Variants in P2RX7 observed in about 807,000 individuals in gnomAD.
P2RX7 encodes P2X purinoceptor 7.
Under a neutral mutation model 71.6 loss-of-function variants are expected in P2RX7, and 62 were observed. The observed-to-expected ratio is 0.87, with a 90% CI of 0.71 to 1.07. The LOEUF (loss-of-function observed/expected upper bound fraction) is 1.07, where lower values mean the gene tolerates loss of function less well. Among genes scored for constraint, P2RX7 ranks in the 50% least tolerant of loss-of-function variants. The pLI, the probability that P2RX7 is intolerant of heterozygous loss-of-function variation, is 0.00. For synonymous variants in P2RX7, 299 were observed against 283.3 expected (o/e 1.06, Z -0.56); for missense variants, 686 against 748.5 (o/e 0.92, Z 0.97).
intron 1 of P2RX7, among the ~76,000 whole-genome samples, chr12:121,152,623 G>C (rs945300559): frequency 1.3e-5 from 2 of 152,220 alleles, no homozygotes; most frequent in Non-Finnish European, 2.9e-5. Context: ...AGGTTCAAGC[G>C]ATTCTCCTGC....
Position 121,162,509 on chromosome 12 carries a change from A to C in P2RX7, c.522A>C (p.Glu174Asp), listed in dbSNP as rs201713275. ...CCTGGTGCCCCATCGAGGCAGTGGA[A>C]GAGGCCCCCCGGTGAGTCGCATGGG... ...VSAWCPIEAV[E>D]EAPRPALLNS... Residue 174 changes from glutamate (E) to aspartate (D), a missense_variant, in exon 5 of 13, where the codon GAA becomes GAC. Coordinates refer to ENST00000328963, the MANE Select transcript of P2RX7 (RefSeq NM_002562.6). The C allele has an allele frequency of 2.4e-5, 38 of 1,613,184 alleles. No homozygotes were observed. The highest frequency in any genetic ancestry group is 3.3e-5 in the South Asian group (3 of 91,074).
At chr12:121,177,884 A>G (rs142839103) in intron 11 of P2RX7, among the ~76,000 whole-genome samples, 70 of 151,972 alleles carry the variant, frequency 4.6e-4, no homozygotes, top group African/African-American at 1.6e-3. Flanking sequence ...ACACCTGGCT[A>G]ATTTTTGTAT....
At chr12:121,153,030 C>G (rs1339859675) in intron 1 of P2RX7, among the ~76,000 whole-genome samples, 1 of 152,202 alleles carries the variant, frequency 6.6e-6, no homozygotes, top group African/African-American at 2.4e-5. Flanking sequence ...AATGTACTTG[C>G]TATTGTCAAA....
rs569219023 is a variant in P2RX7, at chr12:121,148,867, C to A, written c.126-5918C>A. The A allele has an allele frequency of 2.1e-5, 6 of 289,348 alleles. No individual in the cohort carries two copies. In the East Asian group the frequency reaches 6.2e-4, roughly 30 times the overall value. 17.9% of individuals were successfully genotyped at this position (289,348 alleles called of 1,614,324 possible). On this transcript the variant is annotated intron_variant, in intron 1 of 12. Transcript: ENST00000328963. ...CGCCAAGCTTCTCTGTGCCGCACTGCAGGCACAGTCCTGGCGCTACTGTTC... is the reference window on the plus strand; with the variant it reads ...CGCCAAGCTTCTCTGTGCCGCACTGAAGGCACAGTCCTGGCGCTACTGTTC...
chr12:121,136,677 C>T (rs1157567550), intron 1 of P2RX7, among the ~76,000 whole-genome samples: 2 of 134,252 alleles, frequency 1.5e-5, no homozygotes, highest in Non-Finnish European at 1.5e-5. Context: ...AGTTGAGTCT[C>T]ACTCTGTCAC....
rs1210171173 is a variant in P2RX7, at chr12:121,149,677, C to T, written c.126-5108C>T. ...AATTTGGATGGGGACACAGCCAAACCATATCAGTGGCCCTGGCTTCTCTCC... is the reference window on the plus strand; with the variant it reads ...AATTTGGATGGGGACACAGCCAAACTATATCAGTGGCCCTGGCTTCTCTCC... On this transcript the variant is annotated intron_variant, in intron 1 of 12. Coordinates refer to ENST00000328963, the MANE Select transcript of P2RX7 (RefSeq NM_002562.6). The surrounding 1 kb of genome is among the most constrained non-coding windows in gnomAD (Gnocchi z 4.7). 6.6e-6 allele frequency among the ~76,000 whole-genome samples: 1 copy of T among 152,144 alleles called. No individual in the cohort carries two copies. Among genetic ancestry groups the T allele is most frequent in the Non-Finnish European group, 1.5e-5 (1 of 68,028 alleles).
Position 121,166,038 on chromosome 12 carries a change from TTGC to T in P2RX7, c.615-18_615-16del, listed in dbSNP as rs1880947184. 3 of 1,607,638 alleles carry T rather than the reference TTGC, an allele frequency of 1.9e-6. No homozygotes were observed. The highest frequency in any genetic ancestry group is 1.3e-5 in the African/African-American group (1 of 74,828). ...TCAATCGAGATGTTTGTTTGTTTGT[TTGC>T]TTTTAATTATGCACAGGAGAAACAT... On this transcript the variant is annotated splice_polypyrimidine_tract_variant and intron_variant, in intron 6 of 12. Transcript: ENST00000328963.
In P2RX7 at chr12:121,166,174, A is replaced by G. The variant is rs1234947576; in HGVS notation, c.731A>G (p.Asp244Gly). The change falls in exon 7 of 13, where the codon GAT becomes GGT. Residue 244 changes from aspartate to glycine, a missense_variant. Coordinates refer to ENST00000328963, the MANE Select transcript of P2RX7 (RefSeq NM_002562.6). ...IFRETGDNFS[D>G]VAIQGGIMGI... Reference sequence around the variant, plus strand: ...CGAGAAACAGGCGATAATTTTTCAGATGTGGCAATTCAGGTTGGTGGTGCT... The same window carrying G: ...CGAGAAACAGGCGATAATTTTTCAGGTGTGGCAATTCAGGTTGGTGGTGCT... The G allele has an allele frequency of 6.2e-7, 1 of 1,613,414 alleles. No individual in the cohort carries two copies. The highest frequency in any genetic ancestry group is 1.7e-5 in the Admixed American group (1 of 60,000).
At chr12:121,171,982 C>T (rs1415749258) in intron 8 of P2RX7, among the ~76,000 whole-genome samples, 1 of 151,970 alleles carries the variant, frequency 6.6e-6, no homozygotes, top group African/African-American at 2.4e-5. Flanking sequence ...TTGCCTCAGC[C>T]TCCCGAGTAG....
Position 121,154,736 on chromosome 12 carries a change from C to T in P2RX7, c.126-49C>T. On this transcript the variant is annotated intron_variant, in intron 1 of 12. Coordinates refer to ENST00000328963, the MANE Select transcript of P2RX7 (RefSeq NM_002562.6). The surrounding 1 kb of genome is among the most constrained non-coding windows in gnomAD (Gnocchi z 4.2). Reference sequence around the variant, plus strand: ...GCATCCTCCAACGCCTGCATCCCAACCCGCTGTGCTATGCCTCCCGTTGAT... The same window carrying T: ...GCATCCTCCAACGCCTGCATCCCAATCCGCTGTGCTATGCCTCCCGTTGAT... 1 of 1,280,296 alleles carries T rather than the reference C, an allele frequency of 7.8e-7. No individual in the cohort carries two copies. The allele number at this position is 1,280,296 out of a possible 1,614,324, so 79.3% of individuals were successfully genotyped here.
chr12:121,170,735 C>T (rs1882011247), intron 8 of P2RX7, among the ~76,000 whole-genome samples: 1 of 152,090 alleles, frequency 6.6e-6, no homozygotes, highest in Admixed American at 6.5e-5. Context: ...GGTCATGCCA[C>T]TTCACTCCAG....
chr12:121,170,035 A>G (rs1490256990), intron 8 of P2RX7, among the ~76,000 whole-genome samples: 3 of 152,144 alleles, frequency 2.0e-5, no homozygotes, highest in African/African-American at 7.2e-5. Flanking sequence ...CATTTCTGTC[A>G]TCTGCCTGGC....
chr12:121,137,803 C>T (rs1874004405), intron 1 of P2RX7, among the ~76,000 whole-genome samples: 1 of 152,178 alleles, frequency 6.6e-6, no homozygotes, highest in South Asian at 2.1e-4. Flanking sequence ...CAGACAGGCT[C>T]GAGCAATGTT....
At chr12:121,140,195 G>C (rs1016055553) in intron 1 of P2RX7, among the ~76,000 whole-genome samples, 2 of 151,816 alleles carry the variant, frequency 1.3e-5, no homozygotes, top group African/African-American at 4.9e-5. Context: ...GTGACACACA[G>C]TACGAAGAGA....
At chr12:121,158,307 A>C (rs2136055598) in intron 3 of P2RX7, among the ~76,000 whole-genome samples, 1 of 152,112 alleles carries the variant, frequency 6.6e-6, no homozygotes, top group Middle Eastern at 3.4e-3. Flanking sequence ...CTCACTAGGG[A>C]TCTCTCAAGG....
intron 1 of P2RX7, among the ~76,000 whole-genome samples, chr12:121,147,698 G>C (rs528793126): frequency 4.6e-5 from 7 of 152,152 alleles, no homozygotes; most frequent in African/African-American, 1.7e-4. Flanking sequence ...TGCAACCTCT[G>C]CCTCCCAGGT....
At chr12:121,134,258 T>TG (rs1873030209) in intron 1 of P2RX7, among the ~76,000 whole-genome samples, 1 of 152,226 alleles carries the variant, frequency 6.6e-6, no homozygotes, top group Non-Finnish European at 1.5e-5. Flanking sequence ...GTTTCACCTT[T>TG]GGGGGGAATG....
intron 4 of P2RX7, 132 bp from the exon 5 acceptor site, chr12:121,162,292 A>AGG (rs1380442621): frequency 2.1e-6 from 3 of 1,452,224 alleles, no homozygotes; most frequent in Admixed American, 2.5e-5. Flanking sequence ...TGGAAGCTGA[A>AGG]GCTGCGTGGG....
intron 12 of P2RX7, among the ~76,000 whole-genome samples, chr12:121,183,334 G>C (rs1240133204): frequency 6.6e-6 from 1 of 151,796 alleles, no homozygotes; most frequent in Admixed American, 6.6e-5. Context: ...ACTTTGGGAG[G>C]CTGAGGTGGG....
Sources: allele counts gnomAD v4.1 joint callset (sites outside exome capture counted in the v4.1 genomes callset), GRCh38; gene constraint gnomAD v4.1.1; non-coding constraint Gnocchi (gnomAD v3.1); transcripts MANE v1.5; gene names NCBI Gene and HGNC (gene_info 2026-07-23, HGNC 2026-07-21).